TSNAX: variants seen among roughly 807,000 people sequenced by gnomAD.
TSNAX encodes the protein translin associated factor X.
In TSNAX, 12 loss-of-function variants were observed where a neutral mutation model predicts 33.0. The ratio of observed to expected loss-of-function variants is 0.36; its 90% CI spans 0.23 to 0.59. The LOEUF is 0.59. TSNAX is among the 20% of genes least tolerant of loss of function. The probability of loss-of-function intolerance (pLI) is 0.74; values close to 1 mark genes in which losing one functional copy is unlikely to be tolerated. For missense variants in TSNAX, 267 were observed against 341.3 expected (o/e 0.78, Z 1.72); for synonymous variants, 110 against 117.2 (o/e 0.94, Z 0.40).
intron 4 of TSNAX, among the ~76,000 whole-genome samples, chr1:231,548,949 C>A (rs977854398): frequency 1.3e-5 from 2 of 152,180 alleles, no homozygotes; most frequent in African/African-American, 4.8e-5. Context: ...CCTGAATAAT[C>A]AAGACCTGAG....
chr1:231,546,278 G>C lies in TSNAX; in HGVS notation c.367+3667G>C, dbSNP rs564172435. Among the ~76,000 whole-genome samples the C allele has an allele frequency of 3.1e-3, 468 of 152,242 alleles. 3 individuals are homozygous for C. Among genetic ancestry groups the C allele is most frequent in the African/African-American group, 0.011 (449 of 41,562 alleles). ...TAATTTTAAAAGGCTTTTTGTTGTT[G>C]TTCAGCCATATGCTTTATCTGATGA... On this transcript the variant is annotated intron_variant, in intron 4 of 5. Transcript: ENST00000366639.
At chr1:231,552,699 A>T (rs1572134870) in intron 4 of TSNAX, among the ~76,000 whole-genome samples, 1 of 152,304 alleles carries the variant, frequency 6.6e-6, no homozygotes, top group South Asian at 2.1e-4. Context: ...ACATTTCATC[A>T]CGCTCAAAAG....
At chr1:231,528,960 C>G in intron 1 of TSNAX, 134 bp downstream of exon 1, 5 of 1,221,006 alleles carry the variant, frequency 4.1e-6, no homozygotes, top group East Asian at 2.5e-5. Context: ...CCCTCTGTTT[C>G]TCTCCCCGGC....
intron 4 of TSNAX, among the ~76,000 whole-genome samples, chr1:231,556,404 A>G (rs1660697673): frequency 6.6e-6 from 1 of 152,250 alleles, no homozygotes; most frequent in Admixed American, 6.5e-5. Context: ...ATGGCAGCCA[A>G]ACAGAAATGC....
chr1:231,537,740 C>CA (rs541527416), intron 3 of TSNAX, among the ~76,000 whole-genome samples: 7,201 of 65,892 alleles, frequency 0.11, 372 homozygotes, highest in African/African-American at 0.23. Flanking sequence ...GACCCTGTCT[C>CA]AAAAAAAAAA....
chr1:231,548,793 A>G (rs779769596), intron 4 of TSNAX, among the ~76,000 whole-genome samples: 1 of 152,268 alleles, frequency 6.6e-6, no homozygotes, highest in Non-Finnish European at 1.5e-5. Flanking sequence ...CTGCAGTTAC[A>G]GCCTTGGAGT....
rs1365261300 is a variant in TSNAX, at chr1:231,540,736, CTT to C, written c.237-1744_237-1743del. ...TTAAGAGAGAAAGAGGGTGACCTCTCTTGACGATAATTGTAGATTTGACTTTC... is the reference window on the plus strand; with the variant it reads ...TTAAGAGAGAAAGAGGGTGACCTCTCGACGATAATTGTAGATTTGACTTTC... On this transcript the variant is annotated intron_variant, in intron 3 of 5. Coordinates refer to ENST00000366639, the MANE Select transcript of TSNAX (RefSeq NM_005999.3). Among the ~76,000 whole-genome samples, 18 of 152,320 alleles carry C rather than the reference CTT, an allele frequency of 1.2e-4. No individual in the cohort carries two copies. The East Asian group carries it at 3.5e-3, about 29-fold the overall frequency.
At chr1:231,546,346 C>T (rs535350954) in intron 4 of TSNAX, among the ~76,000 whole-genome samples, 13 of 152,052 alleles carry the variant, frequency 8.5e-5, no homozygotes, top group South Asian at 4.2e-4. Context: ...TTGTTTCTTC[C>T]GAAAGAAAGC....
chr1:231,540,988 G>T (rs1421815249), intron 3 of TSNAX, among the ~76,000 whole-genome samples: 1 of 151,928 alleles, frequency 6.6e-6, no homozygotes, highest in Non-Finnish European at 1.5e-5. Flanking sequence ...TAATCTATTT[G>T]TGTTTATATT....
At chr1:231,546,224 C>T (rs1264165052) in intron 4 of TSNAX, among the ~76,000 whole-genome samples, 1 of 152,160 alleles carries the variant, frequency 6.6e-6, no homozygotes, top group African/African-American at 2.4e-5. Flanking sequence ...TCCCGAAATA[C>T]AAATGTTGAA....
At chr1:231,545,696 A>G (rs1204887034) in intron 4 of TSNAX, among the ~76,000 whole-genome samples, 1 of 152,190 alleles carries the variant, frequency 6.6e-6, no homozygotes, top group Non-Finnish European at 1.5e-5. Flanking sequence ...TTCGGTACAC[A>G]AAACTAAGTT....
intron 3 of TSNAX, among the ~76,000 whole-genome samples, chr1:231,540,454 T>C (rs1436896953): frequency 6.6e-6 from 1 of 152,184 alleles, no homozygotes; most frequent in Admixed American, 6.5e-5. Context: ...TTTTGGGAGT[T>C]TTCCAGACGA....
intron 4 of TSNAX, 167 bp downstream of exon 4, chr1:231,542,778 TTA>T (rs1659660701): frequency 2.8e-6 from 2 of 724,280 alleles, no homozygotes; most frequent in Non-Finnish European, 4.4e-6. Flanking sequence ...CAAGTTGGCT[TTA>T]TGTTTTTTTT....
At chr1:231,539,305 AG>A (rs1376726631) in intron 3 of TSNAX, among the ~76,000 whole-genome samples, 1 of 152,204 alleles carries the variant, frequency 6.6e-6, no homozygotes, top group Non-Finnish European at 1.5e-5. Context: ...ATACAGATTG[AG>A]TATCCTAAAT....
chr1:231,531,120 A>T (rs183999635), intron 2 of TSNAX, among the ~76,000 whole-genome samples: 1 of 151,902 alleles, frequency 6.6e-6, no homozygotes, highest in Admixed American at 6.6e-5. Flanking sequence ...CACCATGCCT[A>T]ATTTTTTTAA....
intron 4 of TSNAX, among the ~76,000 whole-genome samples, chr1:231,554,020 A>G (rs1488017110): frequency 6.6e-6 from 1 of 152,132 alleles, no homozygotes; most frequent in Non-Finnish European, 1.5e-5. Context: ...AAAAATGGCC[A>G]CCTCATCTCT....
Position 231,564,977 on chromosome 1 carries a change from T to A in TSNAX, c.*72T>A. ...ACCAATTTGTAAGACTTATTTAGTA[T>A]TTCATTTAACTTTATTGTGGCTTTT... On this transcript the variant is annotated 3_prime_UTR_variant, in exon 6 of 6. Transcript: ENST00000366639. 2 of 1,511,054 alleles carry A rather than the reference T, an allele frequency of 1.3e-6. No homozygotes were observed. The highest frequency in any genetic ancestry group is 1.8e-6 in the Non-Finnish European group (2 of 1,127,284). 93.6% of individuals were successfully genotyped at this position (1,511,054 alleles called of 1,614,324 possible).
At chr1:231,542,356 G>T in intron 3 of TSNAX, 125 bp from the exon 4 acceptor site, 2 of 888,684 alleles carry the variant, frequency 2.3e-6, no homozygotes, top group African/African-American at 1.7e-5. Flanking sequence ...ATAGTTTTGA[G>T]TAGTTTTGAG....
At chr1:231,555,779 G>A (rs540215213) in intron 4 of TSNAX, among the ~76,000 whole-genome samples, 38 of 152,138 alleles carry the variant, frequency 2.5e-4, no homozygotes, top group African/African-American at 9.1e-4. Context: ...TCCTGCTCAA[G>A]GAAAGACTGA....
Sources: allele counts gnomAD v4.1 joint callset (sites outside exome capture counted in the v4.1 genomes callset), GRCh38; gene constraint gnomAD v4.1.1; transcripts MANE v1.5; gene names NCBI Gene and HGNC (gene_info 2026-07-23, HGNC 2026-07-21).